The following CAMKK2 variants were observed in gnomAD, a reference collection of about 807,000 sequenced individuals.
The protein encoded by CAMKK2 is calcium/calmodulin dependent protein kinase kinase 2, also known as calcium/calmodulin-dependent protein kinase kinase 2.
CAMKK2 carries 30 observed loss-of-function variants against 67.2 expected under a neutral mutation model. The ratio of observed to expected loss-of-function variants is 0.45; its 90% CI spans 0.33 to 0.61. The LOEUF is 0.61. Ranked by LOEUF, CAMKK2 falls within the 20% of genes least tolerant of loss-of-function variation. CAMKK2 has a pLI of 0.02. For missense variants in CAMKK2, 643 were observed against 802.0 expected (o/e 0.80, Z 2.39); for synonymous variants, 322 against 326.2 (o/e 0.99, Z 0.14).
rs111360287 is a variant in CAMKK2 at position 121,246,004 on chromosome 12, G to A, written c.1453-764C>T. Among the ~76,000 whole-genome samples, 338 of 152,168 alleles carry A rather than the reference G, an allele frequency of 2.2e-3. 1 individual carries two copies. Among genetic ancestry groups the A allele is most frequent in the African/African-American group, 7.5e-3 (312 of 41,506 alleles). On this transcript the variant is annotated intron_variant, in intron 14 of 16. Transcript: ENST00000404169. The stretch of plus-strand genomic sequence containing the variant: ...CTCCTACGTCAAAGTAGCCAGGCCC[G>A]AAAGGCCTCAGAGTGTAGGATTCCA...
intron 16 of CAMKK2, chr12:121,244,023 T>C (rs201761462): frequency 1.3e-6 from 2 of 1,564,804 alleles, no homozygotes; most frequent in Non-Finnish European, 8.7e-7. Flanking sequence ...GGGCTGGCTA[T>C]GTGTATGAAG....
intron 11 of CAMKK2, among the ~76,000 whole-genome samples, chr12:121,251,444 G>C (rs1890691171): frequency 6.6e-6 from 1 of 152,116 alleles, no homozygotes; most frequent in Non-Finnish European, 1.5e-5. Flanking sequence ...CAGTTTCTTA[G>C]GCTTTCCTCA....
intron 9 of CAMKK2, among the ~76,000 whole-genome samples, chr12:121,255,330 T>TTTTATATATATAATTA (rs1555251039): frequency 1.8e-4 from 1 of 5,596 alleles, no homozygotes; most frequent in African/African-American, 7.1e-4. Flanking sequence ...ATATATATAA[T>TTTTATATATATAATTA]TATATATAAT....
chr12:121,295,987 C>T (rs1901082952), intron 1 of CAMKK2, among the ~76,000 whole-genome samples: 1 of 152,182 alleles, frequency 6.6e-6, no homozygotes, highest in Non-Finnish European at 1.5e-5. Context: ...GGACGCCTCT[C>T]CGCATTCACA....
chr12:121,282,463 A>G (rs1034193315), intron 1 of CAMKK2, among the ~76,000 whole-genome samples: 1 of 152,212 alleles, frequency 6.6e-6, no homozygotes, highest in Admixed American at 6.5e-5. Context: ...TTATGAAGTT[A>G]AAATGAGGTC....
chr12:121,286,179 G>A (rs1285006369), intron 1 of CAMKK2, among the ~76,000 whole-genome samples: 1 of 152,172 alleles, frequency 6.6e-6, no homozygotes. Context: ...AAATGACAGA[G>A]CTGACTGACA....
At chr12:121,271,365 C>A (rs1441879063) in intron 2 of CAMKK2, among the ~76,000 whole-genome samples, 1 of 151,734 alleles carries the variant, frequency 6.6e-6, no homozygotes, top group African/African-American at 2.4e-5. Flanking sequence ...AAGAGAACAT[C>A]CCCAGCTCCC....
chr12:121,256,945 T>A (rs1233529849), intron 7 of CAMKK2, among the ~76,000 whole-genome samples: 5 of 151,970 alleles, frequency 3.3e-5, no homozygotes, highest in African/African-American at 1.2e-4. Flanking sequence ...AATTTCTGGG[T>A]CACGTGGTAT....
Position 121,249,867 on chromosome 12 carries a change from T to C in CAMKK2, c.1243A>G (p.Ile415Val). 1 of 1,614,080 alleles carries C rather than the reference T, an allele frequency of 6.2e-7. No homozygotes were observed. The highest frequency in any genetic ancestry group is 8.5e-7 in the Non-Finnish European group (1 of 1,179,964). Residue 415 changes from isoleucine (I) to valine (V), a missense_variant, in exon 13 of 17, where the codon ATA becomes GTA. By Grantham distance (29) the Ile-to-Val change is conservative. Coordinates refer to ENST00000404169, the MANE Select transcript of CAMKK2 (RefSeq NM_001270485.2). The part of the protein sequence containing the change: ...QALEFPDQPD[I>V]AEDLKDLITR... ...ATCAGGTCCTTCAAGTCCTCAGCTA[T>C]GTCGGGCCTGGGGATGGAGAGGCGT...
intron 5 of CAMKK2, among the ~76,000 whole-genome samples, chr12:121,267,784 G>T (rs1177161956): frequency 6.6e-6 from 1 of 151,942 alleles, no homozygotes; most frequent in African/African-American, 2.4e-5. Context: ...GTGAGCCACC[G>T]TGCCCGGCCA....
chr12:121,260,282 C>G (rs1323996315), intron 7 of CAMKK2, 37 bp downstream of exon 7: 3 of 1,580,698 alleles, frequency 1.9e-6, no homozygotes, highest in Non-Finnish European at 2.6e-6. Flanking sequence ...AGGTGTGGTG[C>G]CTGGGTGAGG....
At chr12:121,271,789 C>T (rs981877275) in intron 2 of CAMKK2, among the ~76,000 whole-genome samples, 2 of 152,076 alleles carry the variant, frequency 1.3e-5, no homozygotes, top group African/African-American at 4.8e-5. Flanking sequence ...CTCACCGCAA[C>T]CTCCGCCTCC....
intron 14 of CAMKK2, among the ~76,000 whole-genome samples, chr12:121,247,423 C>A (rs767795392): frequency 7.0e-4 from 107 of 152,228 alleles, no homozygotes; most frequent in South Asian, 6.2e-4. Context: ...GGGCCAGACG[C>A]TTTCTCCCAA....
intron 5 of CAMKK2, among the ~76,000 whole-genome samples, chr12:121,264,776 AAATAATAATAATAAT>A (rs57906202): frequency 2.1e-5 from 3 of 139,952 alleles, no homozygotes; most frequent in African/African-American, 5.4e-5. Flanking sequence ...TCAGTCTCAA[AAATAATAATAATAAT>A]AATAATAATA....
Position 121,255,578 on chromosome 12 carries a change from G to A in CAMKK2, c.879C>T (p.Phe293=), listed in dbSNP as rs200803906. The A allele has an allele frequency of 6.2e-7, 1 of 1,612,124 alleles. No homozygotes were observed. Among genetic ancestry groups the A allele is most frequent in the Admixed American group, 1.7e-5 (1 of 59,610 alleles). The change falls in exon 9 of 17, where the codon TTC becomes TTT. Residue 293 remains phenylalanine, a synonymous_variant. Coordinates refer to ENST00000404169, the MANE Select transcript of CAMKK2 (RefSeq NM_001270485.2). ...ACTCGATGCCTTTGATCAGATCCTG[G>A]AAGTAGAAACGGGCCTGGTCTTCAG... The part of the protein sequence containing the change: ...PLSEDQARFY[F]QDLIKGIEYL...
intron 5 of CAMKK2, among the ~76,000 whole-genome samples, chr12:121,264,283 C>T (rs937347577): frequency 6.6e-6 from 1 of 152,226 alleles, no homozygotes; most frequent in African/African-American, 2.4e-5. Context: ...CCTCTCTGGG[C>T]TCAGTTTTTG....
chr12:121,257,618 A>G (rs372613272), intron 7 of CAMKK2, among the ~76,000 whole-genome samples: 1 of 152,184 alleles, frequency 6.6e-6, no homozygotes, highest in African/African-American at 2.4e-5. Context: ...CTACTCAGAC[A>G]AAAAGAAGGC....
intron 1 of CAMKK2, among the ~76,000 whole-genome samples, chr12:121,292,253 G>A (rs79677429): frequency 0.038 from 5,754 of 151,572 alleles, 395 homozygotes; most frequent in African/African-American, 0.13. Flanking sequence ...AGTCTCCCGA[G>A]TGGCTGGGAT....
intron 5 of CAMKK2, among the ~76,000 whole-genome samples, chr12:121,264,946 G>A (rs965419416): frequency 6.6e-6 from 1 of 150,898 alleles, no homozygotes; most frequent in African/African-American, 2.5e-5. Flanking sequence ...CACTCAGCCT[G>A]GGTGACAGAG....
Sources: allele counts gnomAD v4.1 joint callset (sites outside exome capture counted in the v4.1 genomes callset), GRCh38; gene constraint gnomAD v4.1.1; transcripts MANE v1.5; gene names NCBI Gene and HGNC (gene_info 2026-07-23, HGNC 2026-07-21).